CACNA1I: variants seen among roughly 807,000 people sequenced by gnomAD.
The protein encoded by CACNA1I is calcium voltage-gated channel subunit alpha1 I, also known as voltage-dependent T-type calcium channel subunit alpha-1I.
A neutral mutation model predicts 201.6 loss-of-function variants in CACNA1I; 74 were observed. That is an observed-to-expected ratio of 0.37 (90% CI 0.30 to 0.45). The LOEUF (loss-of-function observed/expected upper bound fraction) is 0.45. CACNA1I is among the 20% of genes least tolerant of loss of function. The pLI is 1.00. For missense variants in CACNA1I, 2,346 were observed against 3,138.1 expected (o/e 0.75, Z 6.03); for synonymous variants, 1,431 against 1,345.2 (o/e 1.06, Z -1.40).
intron 3 of CACNA1I, among the ~76,000 whole-genome samples, chr22:39,608,319 C>T (rs1178702221): frequency 6.6e-6 from 1 of 151,944 alleles, no homozygotes; most frequent in African/African-American, 2.4e-5. Context: ...CTTCTGTGAT[C>T]ACCCAGTCCA....
At chr22:39,656,448 G>A (rs749406241) in intron 10 of CACNA1I, 8 of 518,472 alleles carry the variant, frequency 1.5e-5, no homozygotes, top group South Asian at 5.6e-5. Flanking sequence ...CACTAGCACC[G>A]CTCCCCTAGC....
Position 39,648,668 on chromosome 22 carries a change from C to T in CACNA1I, c.1567+742C>T, listed in dbSNP as rs531135527. Among the ~76,000 whole-genome samples the T allele has an allele frequency of 3.3e-5, 5 of 152,144 alleles. No individual in the cohort carries two copies. Among genetic ancestry groups the T allele is most frequent in the Admixed American group, 6.5e-5 (1 of 15,292 alleles). ...TGAAGGGTAGGCGTGACATGCTTTT[C>T]TTTCCCTTTCATGTTACTTTTTTGG... On this transcript the variant is annotated intron_variant, in intron 9 of 36. Transcript: ENST00000402142. The surrounding 1 kb of genome is among the most constrained non-coding windows in gnomAD (Gnocchi z 5.4).
chr22:39,592,052 C>T (rs559452134), intron 1 of CACNA1I, among the ~76,000 whole-genome samples: 2 of 152,258 alleles, frequency 1.3e-5, no homozygotes, highest in Admixed American at 6.5e-5. Flanking sequence ...AGGTGTGGTG[C>T]GGGGACGTGG....
chr22:39,668,550 C>T (rs926221748), intron 24 of CACNA1I, among the ~76,000 whole-genome samples, 169 bp downstream of exon 24: 2 of 152,206 alleles, frequency 1.3e-5, no homozygotes, highest in Non-Finnish European at 2.9e-5. Flanking sequence ...TTCACCATTA[C>T]AGTCCCTCCT....
rs187484335 is a variant in CACNA1I, at chr22:39,627,242, C to T, written c.581-7323C>T. Reference sequence around the variant, plus strand: ...TCGAGGCCCTCTCTCCTTCCATCTCCCCCCTCAGCCTGGTCTGCTCCAGAC... The same window carrying T: ...TCGAGGCCCTCTCTCCTTCCATCTCTCCCCTCAGCCTGGTCTGCTCCAGAC... On this transcript the variant is annotated intron_variant, in intron 4 of 36. Transcript: ENST00000402142. 3.6e-3 allele frequency among the ~76,000 whole-genome samples: 556 copies of T among 152,352 alleles called. 5 individuals carry two copies. The highest frequency in any genetic ancestry group is 0.012 in the African/African-American group (515 of 41,572).
At chr22:39,601,631 T>G (rs1245078834) in intron 3 of CACNA1I, among the ~76,000 whole-genome samples, 1 of 151,984 alleles carries the variant, frequency 6.6e-6, no homozygotes, top group Admixed American at 6.6e-5. Context: ...TGACCTCGTG[T>G]GTAGAATGCT....
rs113312315 is a variant in CACNA1I, at chr22:39,649,420, A to C, written c.1568-81A>C. The C allele has an allele frequency of 2.0e-5, 28 of 1,368,462 alleles. No homozygotes were observed. In the African/African-American group the frequency reaches 2.6e-4, roughly 13 times the overall value. 84.8% of individuals were successfully genotyped at this position (1,368,462 alleles called of 1,614,324 possible). ...AGGCAGACCTGTGGGCCTGGGAGCC[A>C]AGCGCACTCAGGGATGTGTCCCAGG... On this transcript the variant is annotated intron_variant, in intron 9 of 36. Transcript: ENST00000402142. The surrounding 1 kb of genome is among the most constrained non-coding windows in gnomAD (Gnocchi z 7.3).
chr22:39,641,742 C>T (rs1252121429), intron 6 of CACNA1I, among the ~76,000 whole-genome samples: 1 of 152,228 alleles, frequency 6.6e-6, no homozygotes. Flanking sequence ...GGGCTTGTTG[C>T]GTGGCCCCAC....
intron 3 of CACNA1I, among the ~76,000 whole-genome samples, chr22:39,612,292 C>T (rs1933406622): frequency 1.3e-5 from 2 of 152,180 alleles, no homozygotes; most frequent in Admixed American, 6.5e-5. Context: ...TCCCAGCCTC[C>T]AGAATCGTAA....
chr22:39,678,732 A>G (rs117099200), intron 31 of CACNA1I, among the ~76,000 whole-genome samples: 4,348 of 152,058 alleles, frequency 0.029, 105 homozygotes, highest in Non-Finnish European at 0.043. Flanking sequence ...GAGCTGAAAA[A>G]CCAGAAAGGA....
chr22:39,601,085 C>A (rs1026276789), intron 3 of CACNA1I, among the ~76,000 whole-genome samples: 1 of 152,170 alleles, frequency 6.6e-6, no homozygotes, highest in South Asian at 2.1e-4. Context: ...TTATTTCTAC[C>A]GAGACACAAG....
Position 39,679,120 on chromosome 22 carries a change from A to G in CACNA1I, c.5069A>G (p.Asp1690Gly). The G allele has an allele frequency of 6.3e-7, 1 of 1,593,246 alleles. No individual in the cohort carries two copies. Among genetic ancestry groups the G allele is most frequent in the East Asian group, 2.3e-5 (1 of 43,788 alleles). ...WNGIMKDTLR[D>G]CTHDERSCLS... The stretch of plus-strand genomic sequence containing the variant: ...CCTGCCACGCAGGACACGCTGCGGG[A>G]CTGCACCCACGACGAGCGCAGCTGC... Residue 1690 changes from aspartate (D) to glycine (G), a missense_variant, in exon 32 of 37, where the codon GAC (aspartate) becomes GGC (glycine). Physicochemically the swap from Asp to Gly is moderately conservative, Grantham distance 94. Coordinates refer to ENST00000402142, the MANE Select transcript of CACNA1I (RefSeq NM_021096.4).
intron 1 of CACNA1I, among the ~76,000 whole-genome samples, chr22:39,588,128 A>ATT (rs35332612): frequency 0.27 from 24,448 of 90,420 alleles, 4,323 homozygotes; most frequent in Non-Finnish European, 0.31. Flanking sequence ...GTTGCTCTTC[A>ATT]TTTTTTTTTT....
In CACNA1I at chr22:39,598,273, C is replaced by CGCCTA; in HGVS notation, c.348+14_348+15insTAGCC. 2.3e-6 allele frequency: 3 copies of CGCCTA among 1,306,256 alleles called. No homozygotes were observed. In the South Asian group the frequency reaches 3.8e-5, roughly 17 times the overall value. 80.9% of individuals were successfully genotyped at this position (1,306,256 alleles called of 1,614,324 possible). A position where few individuals can be genotyped will look rare whatever the true frequency, so the allele number is the denominator to read the frequency against. On this transcript the variant is annotated intron_variant, in intron 2 of 36. Coordinates refer to ENST00000402142, the MANE Select transcript of CACNA1I (RefSeq NM_021096.4). Reference sequence around the variant, plus strand: ...TGCAAGATCCTGCAGGTGAGCCGGCCGCCCCGCCCCGCCCCGCCCTGCCCT... The same window carrying CGCCTA: ...TGCAAGATCCTGCAGGTGAGCCGGCCGCCTAGCCCCGCCCCGCCCCGCCCTGCCCT...
intron 1 of CACNA1I, among the ~76,000 whole-genome samples, chr22:39,571,445 C>T (rs1295094208): frequency 6.6e-6 from 1 of 152,172 alleles, no homozygotes. Context: ...CGAGCAGCCT[C>T]TTCCCAGGCC....
At chr22:39,593,039 C>T (rs1468041888) in intron 1 of CACNA1I, among the ~76,000 whole-genome samples, 3 of 152,234 alleles carry the variant, frequency 2.0e-5, no homozygotes, top group Admixed American at 6.5e-5. Context: ...CTGGGATTTC[C>T]CCGGGCACCT....
At chr22:39,586,551 G>T (rs1932755192) in intron 1 of CACNA1I, among the ~76,000 whole-genome samples, 2 of 151,386 alleles carry the variant, frequency 1.3e-5, no homozygotes, top group South Asian at 4.1e-4. Flanking sequence ...GGGGCTTGTG[G>T]CACAGAAAAG....
chr22:39,601,559 T>C (rs534166136), intron 3 of CACNA1I, among the ~76,000 whole-genome samples: 20 of 152,184 alleles, frequency 1.3e-4, no homozygotes, highest in African/African-American at 4.3e-4. Flanking sequence ...GGCTGGAGGC[T>C]GTACGTGTGT....
chr22:39,609,190 C>T (rs1027269523), intron 3 of CACNA1I, among the ~76,000 whole-genome samples: 12 of 152,200 alleles, frequency 7.9e-5, no homozygotes, highest in Admixed American at 7.9e-4. Flanking sequence ...TGGTCAGTTC[C>T]ACCTCACAGA....
Sources: allele counts gnomAD v4.1 joint callset (sites outside exome capture counted in the v4.1 genomes callset), GRCh38; gene constraint gnomAD v4.1.1; non-coding constraint Gnocchi (gnomAD v3.1); transcripts MANE v1.5; gene names NCBI Gene and HGNC (gene_info 2026-07-23, HGNC 2026-07-21).